Variants in ST8SIA4 observed in about 807,000 individuals in gnomAD.
The protein encoded by ST8SIA4 is CMP-N-acetylneuraminate-poly-alpha-2,8-sialyltransferase.
ST8SIA4 carries 15 observed loss-of-function variants against 33.9 expected under a neutral mutation model. The ratio of observed to expected loss-of-function variants is 0.44; its 90% CI spans 0.30 to 0.68. The LOEUF is 0.68. Among genes scored for constraint, ST8SIA4 ranks in the 30% least tolerant of loss-of-function variants. The pLI is 0.10. For synonymous variants in ST8SIA4, 171 were observed against 151.2 expected (o/e 1.13, Z -0.96); for missense variants, 321 against 428.0 (o/e 0.75, Z 2.21).
chr5:100,834,379 T>A (rs962707370), intron 4 of ST8SIA4, among the ~76,000 whole-genome samples: 1 of 152,192 alleles, frequency 6.6e-6, no homozygotes, highest in Non-Finnish European at 1.5e-5. Context: ...AATATTTTTA[T>A]CTATGAAAAT....
At chr5:100,862,692 G>T (rs927600325) in intron 3 of ST8SIA4, among the ~76,000 whole-genome samples, 1 of 152,142 alleles carries the variant, frequency 6.6e-6, no homozygotes, top group Admixed American at 6.6e-5. Flanking sequence ...ATGAGCCACC[G>T]CACCTGGCCG....
rs1455578425 is a variant in ST8SIA4, at chr5:100,856,192, G to A, written c.708C>T (p.His236=). 7 of 1,613,916 alleles carry A rather than the reference G, an allele frequency of 4.3e-6. No individual in the cohort carries two copies. The highest frequency in any genetic ancestry group is 2.7e-5 in the African/African-American group (2 of 74,884). ...GGATTAATGCATTAACCCACTCCACGTGCTTCTCTCCTCCTTTGACCATGA... is the reference window on the plus strand; with the variant it reads ...GGATTAATGCATTAACCCACTCCACATGCTTCTCTCCTCCTTTGACCATGA... The part of the protein sequence containing the change: ...PAFMVKGGEK[H]VEWVNALILK... Residue 236 remains histidine, a synonymous_variant, in exon 4 of 5, where the codon CAC becomes CAT. Transcript: ENST00000231461.
In ST8SIA4 at chr5:100,902,910, G is replaced by A. The variant is rs1280581678; in HGVS notation, c.46C>T (p.Leu16Phe). The change falls in exon 1 of 5, where the codon CTC becomes TTC. Residue 16 changes from leucine to phenylalanine, a missense_variant. Leu to Phe is a conservative substitution (Grantham distance 22, BLOSUM62 0). Transcript: ENST00000231461. ...TCTTTTGTCTTATAAAAGATCAGGA[G>A]CAGACTTATTGTGCAGATCGTCCAC... ...KRWTICTISL[L>F]LIFYKTKEIA... The A allele has an allele frequency of 1.2e-6, 2 of 1,614,072 alleles. No homozygotes were observed. Among genetic ancestry groups the A allele is most frequent in the African/African-American group, 1.3e-5 (1 of 74,932 alleles).
chr5:100,846,513 G>T (rs1751576574), intron 4 of ST8SIA4, among the ~76,000 whole-genome samples: 1 of 151,872 alleles, frequency 6.6e-6, no homozygotes, highest in South Asian at 2.1e-4. Flanking sequence ...TTCCAAAAGG[G>T]AAATACATCC....
intron 2 of ST8SIA4, among the ~76,000 whole-genome samples, chr5:100,892,641 C>G (rs1489737000): frequency 6.6e-6 from 1 of 151,792 alleles, no homozygotes; most frequent in Admixed American, 6.6e-5. Flanking sequence ...ATTATGCGGA[C>G]AATTATTAGG....
intron 4 of ST8SIA4, among the ~76,000 whole-genome samples, chr5:100,842,737 C>A (rs1262989431): frequency 6.6e-6 from 1 of 151,580 alleles, no homozygotes; most frequent in Non-Finnish European, 1.5e-5. Flanking sequence ...AATGCAGAAT[C>A]AGAACTTTAG....
At chr5:100,864,493 T>A (rs1219275212) in intron 3 of ST8SIA4, among the ~76,000 whole-genome samples, 16 of 143,280 alleles carry the variant, frequency 1.1e-4, no homozygotes, top group Non-Finnish European at 2.2e-4. Flanking sequence ...GAGAATGGCG[T>A]GAACCTGGGA....
chr5:100,837,613 A>G (rs1055334349), intron 4 of ST8SIA4, among the ~76,000 whole-genome samples: 2 of 151,610 alleles, frequency 1.3e-5, no homozygotes, highest in African/African-American at 4.8e-5. Flanking sequence ...CTTTTTTTGG[A>G]ATTTTGTGAG....
At chr5:100,815,276 T>C (rs1415254198) in intron 4 of ST8SIA4, among the ~76,000 whole-genome samples, 1 of 152,064 alleles carries the variant, frequency 6.6e-6, no homozygotes, top group Non-Finnish European at 1.5e-5. Context: ...TAATTACTGC[T>C]ATAACATGCA....
chr5:100,816,352 C>T, intron 4 of ST8SIA4: 1 of 389,300 alleles, frequency 2.6e-6, no homozygotes, highest in Non-Finnish European at 5.1e-6. Flanking sequence ...TTCAAGCAAC[C>T]ACAGTTTTAG....
At position 100,903,225 on chromosome 5, in the gene ST8SIA4, T is replaced by C. The variant is rs914523948; in HGVS notation, c.-270A>G. ...CCTGGGGCTCAGGTTTCTTTTCAGA[T>C]GAGACACCTTGTGCATTGGAGGTGG... On this transcript the variant is annotated 5_prime_UTR_variant, in exon 1 of 5. Transcript: ENST00000231461. 5.2e-5 allele frequency: 24 copies of C among 463,966 alleles called. No individual in the cohort carries two copies. The highest frequency in any genetic ancestry group is 8.5e-5 in the Non-Finnish European group (22 of 257,886). The allele number at this position is 463,966 out of a possible 1,614,324, so 28.7% of individuals were successfully genotyped here.
intron 3 of ST8SIA4, among the ~76,000 whole-genome samples, chr5:100,884,377 G>A (rs1171092589): frequency 1.3e-5 from 2 of 152,136 alleles, no homozygotes; most frequent in Non-Finnish European, 2.9e-5. Context: ...CTTGGCCAGT[G>A]AAAGAGAAAA....
rs1383973646 is a variant in ST8SIA4 at position 100,811,448 on chromosome 5, C to G, written c.*399G>C. The G allele has an allele frequency of 6.3e-6, 1 of 158,032 alleles. No individual in the cohort carries two copies. Among genetic ancestry groups the G allele is most frequent in the African/African-American group, 2.4e-5 (1 of 41,514 alleles). The allele number at this position is 158,032 out of a possible 1,614,324, so 9.8% of individuals were successfully genotyped here. On this transcript the variant is annotated 3_prime_UTR_variant, in exon 5 of 5. Coordinates refer to ENST00000231461, the MANE Select transcript of ST8SIA4 (RefSeq NM_005668.6). Reference sequence around the variant, plus strand: ...CTGCTTCCATCTTGGCTTCTGCTGACAAGGATGGTTTAATTTCCCAAGGTC... The same window carrying G: ...CTGCTTCCATCTTGGCTTCTGCTGAGAAGGATGGTTTAATTTCCCAAGGTC...
chr5:100,891,363 G>A (rs1290735256), intron 2 of ST8SIA4, among the ~76,000 whole-genome samples: 1 of 151,946 alleles, frequency 6.6e-6, no homozygotes, highest in Non-Finnish European at 1.5e-5. Context: ...AATGCCCAGT[G>A]TTTCATTATG....
At chr5:100,813,886 C>T (rs1750861530) in intron 4 of ST8SIA4, among the ~76,000 whole-genome samples, 2 of 151,706 alleles carry the variant, frequency 1.3e-5, no homozygotes, top group Admixed American at 1.3e-4. Flanking sequence ...AAAAAGAAAA[C>T]AGTATTTCCA....
Position 100,903,026 on chromosome 5 carries a change from G to T in ST8SIA4, c.-71C>A. On this transcript the variant is annotated 5_prime_UTR_variant, in exon 1 of 5. Transcript: ENST00000231461. Reference sequence around the variant, plus strand: ...CTCTTGATATAAAGGCTCCGTTTTGGGGAGATAGTCGCGGGGGTGAAATCT... The same window carrying T: ...CTCTTGATATAAAGGCTCCGTTTTGTGGAGATAGTCGCGGGGGTGAAATCT... 7 of 1,114,920 alleles carry T rather than the reference G, an allele frequency of 6.3e-6. No individual in the cohort carries two copies. The highest frequency in any genetic ancestry group is 9.5e-6 in the Non-Finnish European group (7 of 735,510). 69.1% of individuals were successfully genotyped at this position (1,114,920 alleles called of 1,614,324 possible). A position where few individuals can be genotyped will look rare whatever the true frequency, so the allele number is the denominator to read the frequency against.
intron 4 of ST8SIA4, among the ~76,000 whole-genome samples, chr5:100,825,053 T>C (rs924081685): frequency 6.6e-6 from 1 of 152,212 alleles, no homozygotes; most frequent in Non-Finnish European, 1.5e-5. Flanking sequence ...AGTATGAGAC[T>C]ATCTCTAAAA....
chr5:100,857,308 C>A (rs1751837322), intron 3 of ST8SIA4, among the ~76,000 whole-genome samples: 1 of 151,724 alleles, frequency 6.6e-6, no homozygotes, highest in African/African-American at 2.4e-5. Context: ...TGAATTTGGC[C>A]TTTAACCAAT....
At chr5:100,874,016 C>T (rs1752254592) in intron 3 of ST8SIA4, among the ~76,000 whole-genome samples, 2 of 152,060 alleles carry the variant, frequency 1.3e-5, no homozygotes, top group African/African-American at 4.8e-5. Flanking sequence ...AAATTAAATT[C>T]CTTAATGTAA....
Sources: allele counts gnomAD v4.1 joint callset (sites outside exome capture counted in the v4.1 genomes callset), GRCh38; gene constraint gnomAD v4.1.1; transcripts MANE v1.5; gene names NCBI Gene and HGNC (gene_info 2026-07-23, HGNC 2026-07-21).